Variants in HYCC1 observed in about 807,000 individuals in gnomAD.
HYCC1 encodes hyccin PI4KA lipid kinase complex subunit 1, also known as hyccin.
At chr7:22,906,769 T>C in the HYCC1 span, among the ~76,000 whole-genome samples, 1 of 152,054 alleles carries the variant, frequency 6.6e-6, no homozygotes, top group Non-Finnish European at 1.5e-5. Flanking sequence ...GACAAACCAC[T>C]TACGCATGCA....
At chr7:22,921,410 A>T in the HYCC1 span, among the ~76,000 whole-genome samples, 1 of 152,258 alleles carries the variant, frequency 6.6e-6, no homozygotes, top group Admixed American at 6.5e-5. Context: ...CAAACACTAT[A>T]AATATATACT....
the HYCC1 span, among the ~76,000 whole-genome samples, chr7:22,930,143 G>A: frequency 7.4e-6 from 1 of 134,984 alleles, no homozygotes; most frequent in African/African-American, 2.8e-5. Context: ...ATTGAACAAA[G>A]AGAACACATG....
chr7:22,993,693 CACACACACACACAT>C, the HYCC1 span, among the ~76,000 whole-genome samples: 1 of 152,036 alleles, frequency 6.6e-6, no homozygotes, highest in Non-Finnish European at 1.5e-5. Flanking sequence ...CAAACACACA[CACACACACACACAT>C]ACACACACAC....
At chr7:22,939,275 A>T in the HYCC1 span, 1 of 152,176 alleles carries the variant, frequency 6.6e-6, no homozygotes, top group East Asian at 1.9e-4. Context: ...ATAAATATAG[A>T]AGAGTAGGAT....
chr7:22,897,470 G>A, the HYCC1 span, among the ~76,000 whole-genome samples: 2 of 152,304 alleles, frequency 1.3e-5, no homozygotes, highest in South Asian at 4.1e-4. Flanking sequence ...TTATAATGAT[G>A]ACTGTGGCAA....
chr7:22,904,203 G>A, the HYCC1 span, among the ~76,000 whole-genome samples: 39 of 151,690 alleles, frequency 2.6e-4, no homozygotes, highest in Admixed American at 1.5e-3. Context: ...AGGCCAAGGC[G>A]GGCGGATCAC....
chr7:22,955,668 TGTC>T, the HYCC1 span, among the ~76,000 whole-genome samples: 1 of 151,642 alleles, frequency 6.6e-6, no homozygotes, highest in Non-Finnish European at 1.5e-5. Context: ...TAGTAGTAGT[TGTC>T]GTGAACAGAG....
chr7:22,971,875 C>A, the HYCC1 span, among the ~76,000 whole-genome samples: 7 of 152,106 alleles, frequency 4.6e-5, no homozygotes, highest in Non-Finnish European at 1.0e-4. Flanking sequence ...GTGAAGATCA[C>A]ACACAAAAAT....
the HYCC1 span, among the ~76,000 whole-genome samples, chr7:23,008,310 T>C: frequency 1.1e-4 from 16 of 152,100 alleles, no homozygotes; most frequent in Admixed American, 3.3e-4. Context: ...AATCAATAAG[T>C]TTTAAAATAT....
At chr7:22,994,615 AT>A in the HYCC1 span, among the ~76,000 whole-genome samples, 23 of 152,138 alleles carry the variant, frequency 1.5e-4, no homozygotes, top group Non-Finnish European at 3.2e-4. Context: ...GGGAGCCCTC[AT>A]TGTATAGCTG....
the HYCC1 span, among the ~76,000 whole-genome samples, chr7:22,947,694 T>C: frequency 6.6e-6 from 1 of 151,840 alleles, no homozygotes; most frequent in African/African-American, 2.4e-5. Flanking sequence ...TTGTCAACAT[T>C]AGGAACCAAG....
the HYCC1 span, chr7:22,943,361 A>C: frequency 2.6e-5 from 4 of 152,148 alleles, no homozygotes; most frequent in African/African-American, 7.2e-5. Flanking sequence ...CTTTCTTCTC[A>C]TAAAAATCAC....
At chr7:22,951,481 T>C in the HYCC1 span, among the ~76,000 whole-genome samples, 1 of 151,890 alleles carries the variant, frequency 6.6e-6, no homozygotes, top group African/African-American at 2.4e-5. Context: ...TTACATGAAT[T>C]ATGAAAAATA....
chr7:22,935,778 T>C, the HYCC1 span: 2 of 152,070 alleles, frequency 1.3e-5, no homozygotes, highest in African/African-American at 4.8e-5. Context: ...CCTGAGTAGC[T>C]GGGATTACAG....
the HYCC1 span, among the ~76,000 whole-genome samples, chr7:22,921,604 C>T: frequency 6.6e-6 from 1 of 151,938 alleles, no homozygotes; most frequent in Non-Finnish European, 1.5e-5. Flanking sequence ...TACTGTTGTC[C>T]CTTGGTATAC....
the HYCC1 span, among the ~76,000 whole-genome samples, chr7:22,898,048 T>A: frequency 6.6e-6 from 1 of 151,884 alleles, no homozygotes; most frequent in Admixed American, 6.6e-5. Context: ...TGTTTCTTTC[T>A]TTCTTTCTCT....
At chr7:22,949,058 C>CA in the HYCC1 span, among the ~76,000 whole-genome samples, 11 of 151,252 alleles carry the variant, frequency 7.3e-5, no homozygotes, top group East Asian at 1.4e-3. Context: ...ATCTCCAGTC[C>CA]AAAAAAAATC....
the HYCC1 span, chr7:22,960,511 A>G: frequency 5.1e-6 from 5 of 974,132 alleles, no homozygotes; most frequent in Non-Finnish European, 8.1e-6. Context: ...ACAGGCTTAT[A>G]CAAAGAGGCT....
At chr7:22,988,545 TCACTGCGAC>T in the HYCC1 span, among the ~76,000 whole-genome samples, 424 of 152,328 alleles carry the variant, frequency 2.8e-3, 3 homozygotes, top group African/African-American at 9.9e-3. Flanking sequence ...CTTAGTGTAC[TCACTGCGAC>T]CAGGGTGCCA....
Sources: gnomAD v4.1 joint callset for allele counts (sites outside exome capture counted in the v4.1 genomes callset) on GRCh38, gnomAD v4.1.1 for gene constraint, MANE v1.5 for transcripts, NCBI Gene and HGNC (gene_info 2026-07-23, HGNC 2026-07-21) for gene names.